The following MAST4 variants were observed in gnomAD, a reference collection of about 807,000 sequenced individuals.
MAST4 encodes microtubule associated serine/threonine kinase family member 4, also known as microtubule-associated serine/threonine-protein kinase 4.
Under a neutral mutation model 162.7 loss-of-function variants are expected in MAST4, and 89 were observed. The observed-to-expected ratio is 0.55, with a 90% confidence interval of 0.46 to 0.65. The LOEUF is 0.65. MAST4 is among the 30% of genes least tolerant of loss of function. The pLI, the probability that MAST4 is intolerant of heterozygous loss-of-function variation, is 0.00. For synonymous variants in MAST4, 1,479 were observed against 1,361.1 expected (o/e 1.09, Z -1.91); for missense variants, 3,153 against 3,374.0 (o/e 0.93, Z 1.62).
At chr5:66,597,240 G>A (rs1377223161) in intron 1 of MAST4, among the ~76,000 whole-genome samples, 1 of 152,212 alleles carries the variant, frequency 6.6e-6, no homozygotes, top group Non-Finnish European at 1.5e-5. Context: ...TCAGTGTGCT[G>A]CCTGATGGTG....
At chr5:66,738,908 C>T (rs185004708) in intron 1 of MAST4, among the ~76,000 whole-genome samples, 275 of 152,208 alleles carry the variant, frequency 1.8e-3, no homozygotes, top group Non-Finnish European at 3.1e-3. Flanking sequence ...TACATAAGAC[C>T]GAACTGTAAG....
chr5:66,635,261 CG>C (rs1327193016), intron 1 of MAST4, among the ~76,000 whole-genome samples: 1 of 152,090 alleles, frequency 6.6e-6, no homozygotes, highest in Non-Finnish European at 1.5e-5. Context: ...AAGTTTCTAT[CG>C]GCAGTTAAAT....
At chr5:66,860,782 A>C (rs930029662) in intron 3 of MAST4, among the ~76,000 whole-genome samples, 1 of 151,954 alleles carries the variant, frequency 6.6e-6, no homozygotes, top group East Asian at 1.9e-4. Context: ...AAAAAAAAAA[A>C]AAAACAAACA....
intron 1 of MAST4, chr5:66,662,969 T>A (rs895789883): frequency 6.6e-6 from 1 of 152,262 alleles, no homozygotes; most frequent in Admixed American, 6.5e-5. Context: ...ACCTCCCAAG[T>A]AGCTAGGATT....
chr5:67,060,318 A>G (rs929008964), intron 5 of MAST4, among the ~76,000 whole-genome samples: 2 of 152,152 alleles, frequency 1.3e-5, no homozygotes, highest in African/African-American at 4.8e-5. Flanking sequence ...ATAAACAGGC[A>G]TGTTAATGCA....
intron 4 of MAST4, among the ~76,000 whole-genome samples, chr5:66,925,249 G>A (rs960445280): frequency 1.3e-5 from 2 of 152,170 alleles, no homozygotes; most frequent in Non-Finnish European, 2.9e-5. Flanking sequence ...AGCCAGGAGA[G>A]CTAAGTGTTA....
At position 66,951,245 on chromosome 5, in the gene MAST4, A is replaced by G. The variant is rs868392825; in HGVS notation, c.674+51263A>G. On this transcript the variant is annotated intron_variant, in intron 4 of 28. Transcript: ENST00000403625. The stretch of plus-strand genomic sequence containing the variant: ...TATCACTTGGTAATTTTTGTAGCAC[A>G]AGTGATGGAATACCCAACCCATGTT... Among the ~76,000 whole-genome samples the G allele has an allele frequency of 3.3e-5, 5 of 152,344 alleles. No homozygotes were observed. The Middle Eastern group carries it at 0.01, about 311-fold the overall frequency.
chr5:66,879,784 A>G (rs1333255590), intron 3 of MAST4, among the ~76,000 whole-genome samples: 3 of 152,216 alleles, frequency 2.0e-5, no homozygotes, highest in Non-Finnish European at 4.4e-5. Context: ...AAGTTCTGGG[A>G]TTACAGGCAT....
Position 67,166,868 on chromosome 5 carries a change from G to A in MAST4, c.7689G>A (p.Lys2563=), listed in dbSNP as rs1581800951. The part of the protein sequence containing the change: ...VTATVGETKG[K]DPAPAQPPPA... Reference sequence around the variant, plus strand: ...CCACCGTAGGGGAAACCAAAGGGAAGGACCCTGCCCCAGCCCAGCCTCCCC... The same window carrying A: ...CCACCGTAGGGGAAACCAAAGGGAAAGACCCTGCCCCAGCCCAGCCTCCCC... The change falls in exon 29 of 29, where the codon AAG becomes AAA. Residue 2563 remains lysine (K), a synonymous_variant. Transcript: ENST00000403625. The A allele has an allele frequency of 4.4e-6, 7 of 1,607,760 alleles. 1 individual carries two copies. Among genetic ancestry groups the A allele is most frequent in the South Asian group, 3.3e-5 (3 of 89,852 alleles).
At chr5:66,924,595 TG>T (rs1431072672) in intron 4 of MAST4, among the ~76,000 whole-genome samples, 1 of 152,042 alleles carries the variant, frequency 6.6e-6, no homozygotes, top group Non-Finnish European at 1.5e-5. Context: ...TTAGTAGAGA[TG>T]GGGTTTCACC....
chr5:67,085,136 C>G lies in MAST4; in HGVS notation c.764-5026C>G, dbSNP rs1233033277. 2.0e-5 allele frequency among the ~76,000 whole-genome samples: 3 copies of G among 152,166 alleles called. No homozygotes were observed. The East Asian group carries it at 5.8e-4, about 29-fold the overall frequency. On this transcript the variant is annotated intron_variant, in intron 5 of 28. Coordinates refer to ENST00000403625, the MANE Select transcript of MAST4 (RefSeq NM_001164664.2). ...CTCACACTGATGAACCATATTCTCC[C>G]TCAGTCTTCTCCATCTCAATTAATG...
At chr5:67,142,071 A>G (rs1438064592) in intron 19 of MAST4, 44 bp from the exon 20 acceptor site, 3 of 1,586,134 alleles carry the variant, frequency 1.9e-6, no homozygotes, top group Middle Eastern at 1.7e-4. Context: ...CTTAGTGGGG[A>G]TAGTTTAACA....
rs896482385 is a variant in MAST4 at position 67,062,165 on chromosome 5, G to A, written c.763+7673G>A. 2.6e-5 allele frequency among the ~76,000 whole-genome samples: 4 copies of A among 152,218 alleles called. No homozygotes were observed. In the East Asian group the frequency reaches 7.7e-4, roughly 29 times the overall value. On this transcript the variant is annotated intron_variant, in intron 5 of 28. Coordinates refer to ENST00000403625, the MANE Select transcript of MAST4 (RefSeq NM_001164664.2). The stretch of plus-strand genomic sequence containing the variant: ...GCCTGTAATCCAAGCACTTTGGGAG[G>A]CTGAGGTGGGCGGATTACGAGGTTG...
Position 67,164,456 on chromosome 5 carries a change from G to C in MAST4, c.5277G>C (p.Lys1759Asn). The C allele has an allele frequency of 6.2e-7, 1 of 1,614,022 alleles. No homozygotes were observed. The highest frequency in any genetic ancestry group is 8.5e-7 in the Non-Finnish European group (1 of 1,179,904). ...QMSAVSFVPLKALTGRVDSGT... is the reference protein window; with the variant it reads ...QMSAVSFVPLNALTGRVDSGT... The stretch of plus-strand genomic sequence containing the variant: ...GTGCCGTCTCTTTTGTTCCCCTCAA[G>C]GCCTTAACAGGCCGGGTGGACAGTG... Residue 1759 changes from lysine (K) to asparagine (N), a missense_variant, in exon 29 of 29, where the codon AAG becomes AAC. Physicochemically the swap from Lys to Asn is moderately conservative, Grantham distance 94. Coordinates refer to ENST00000403625, the MANE Select transcript of MAST4 (RefSeq NM_001164664.2). The surrounding 1 kb of genome is among the most constrained non-coding windows in gnomAD (Gnocchi z 5.3).
At chr5:66,833,719 A>T (rs901465397) in intron 3 of MAST4, among the ~76,000 whole-genome samples, 1 of 152,216 alleles carries the variant, frequency 6.6e-6, no homozygotes, top group Non-Finnish European at 1.5e-5. Flanking sequence ...TATTCACTGC[A>T]TTCTGTTCTG....
In MAST4 at chr5:67,100,479, A is replaced by G; in HGVS notation, c.957A>G (p.Gln319=). The G allele has an allele frequency of 6.2e-7, 1 of 1,613,884 alleles. No homozygotes were observed. The highest frequency in any genetic ancestry group is 8.5e-7 in the Non-Finnish European group (1 of 1,179,830). The change falls in exon 8 of 29, where the codon CAA becomes CAG. Residue 319 remains glutamine, a synonymous_variant. Coordinates refer to ENST00000403625, the MANE Select transcript of MAST4 (RefSeq NM_001164664.2). ...SQEKLHQLPY[Q]PTPDELHFLS... is the part of the protein sequence containing the mutation. ...AGAAGTTGCATCAGTTACCATACCA[A>G]CCAACACCAGACGAGTTACACTTCT...
intron 3 of MAST4, among the ~76,000 whole-genome samples, chr5:66,881,328 A>G (rs1761678488): frequency 6.6e-6 from 1 of 152,230 alleles, no homozygotes; most frequent in Admixed American, 6.5e-5. Flanking sequence ...GAATACGTGT[A>G]AAGATCATAC....
chr5:66,890,144 T>G (rs1762278164), intron 3 of MAST4, among the ~76,000 whole-genome samples: 1 of 152,190 alleles, frequency 6.6e-6, no homozygotes, highest in South Asian at 2.1e-4. Flanking sequence ...CTTTTGTTCT[T>G]TGAGAACAAA....
intron 1 of MAST4, among the ~76,000 whole-genome samples, chr5:66,701,053 A>G (rs947611663): frequency 6.8e-6 from 1 of 148,082 alleles, no homozygotes; most frequent in Non-Finnish European, 1.5e-5. Flanking sequence ...AATCATGAAT[A>G]TAATCATTAA....
Sources: gnomAD v4.1 joint callset for allele counts (sites outside exome capture counted in the v4.1 genomes callset) on GRCh38, gnomAD v4.1.1 for gene constraint, Gnocchi (gnomAD v3.1) non-coding constraint, MANE v1.5 for transcripts, NCBI Gene and HGNC (gene_info 2026-07-23, HGNC 2026-07-21) for gene names.